Variants in CFAP46 observed in about 807,000 individuals in gnomAD.
CFAP46 encodes cilia and flagella associated protein 46.
A neutral mutation model predicts 325.7 loss-of-function variants in CFAP46; 245 were observed. The ratio of observed to expected loss-of-function variants is 0.75; its 90% confidence interval spans 0.68 to 0.84. The LOEUF (loss-of-function observed/expected upper bound fraction) is 0.84. CFAP46 is among the 40% of genes least tolerant of loss of function. The pLI is 0.00. For synonymous variants in CFAP46, 1,523 were observed against 1,495.9 expected (o/e 1.02, Z -0.42); for missense variants, 3,346 against 3,543.0 (o/e 0.94, Z 1.41).
At chr10:132,825,252 CTGTG>C (rs967571718) in intron 50 of CFAP46, among the ~76,000 whole-genome samples, 2 of 144,046 alleles carry the variant, frequency 1.4e-5, no homozygotes, top group Non-Finnish European at 3.0e-5. Flanking sequence ...CTGATGTGTG[CTGTG>C]TGAGTGCTGA....
At chr10:132,879,746 C>T in intron 28 of CFAP46, 115 bp from the exon 29 acceptor site, 2 of 1,076,072 alleles carry the variant, frequency 1.9e-6, no homozygotes, top group Non-Finnish European at 2.5e-6. Context: ...TCGCGGACAC[C>T]CGGTGCTCCA....
At chr10:132,887,029 C>T (rs1397381907) in intron 25 of CFAP46, among the ~76,000 whole-genome samples, 3 of 151,234 alleles carry the variant, frequency 2.0e-5, no homozygotes, top group African/African-American at 2.4e-5. Flanking sequence ...CTGCTCTCTT[C>T]TCTCTTCTTT....
At chr10:132,896,772 A>T (rs1192926356) in intron 24 of CFAP46, among the ~76,000 whole-genome samples, 1 of 152,216 alleles carries the variant, frequency 6.6e-6, no homozygotes, top group Non-Finnish European at 1.5e-5. Flanking sequence ...CTGATCCTCA[A>T]ATTCATATGG....
At chr10:132,852,106 T>G (rs1848562003) in intron 39 of CFAP46, among the ~76,000 whole-genome samples, 1 of 143,876 alleles carries the variant, frequency 7.0e-6, no homozygotes, top group Non-Finnish European at 1.5e-5. Context: ...AGACGTGGTA[T>G]GTTCCTCCAT....
chr10:132,904,289 C>G (rs79286333), intron 22 of CFAP46, among the ~76,000 whole-genome samples: 1 of 152,244 alleles, frequency 6.6e-6, no homozygotes, highest in Non-Finnish European at 1.5e-5. Flanking sequence ...CTGAGCAGCA[C>G]GCCTGCGGGT....
intron 27 of CFAP46, among the ~76,000 whole-genome samples, chr10:132,882,182 G>T (rs1332766860): frequency 3.2e-4 from 45 of 140,014 alleles, no homozygotes; most frequent in African/African-American, 1.1e-3. Flanking sequence ...GTGGGATGTG[G>T]GGTGTGAGTG....
intron 27 of CFAP46, among the ~76,000 whole-genome samples, chr10:132,881,635 G>A (rs1234773544): frequency 6.6e-6 from 1 of 151,530 alleles, no homozygotes; most frequent in Non-Finnish European, 1.5e-5. Context: ...GCAGCCCTGC[G>A]AGCCGGGGTT....
rs367806591 is a variant in CFAP46 at position 132,812,802 on chromosome 10, A to C, written c.7484T>G (p.Val2495Gly). ...CCTCTCACCTTGCAAGTTCATGGCG[A>C]CCAATCTCTCCACTAATATATGGGA... ...FLSHILVERL[V>G]AMNLQECQVA... The change falls in exon 55 of 58, where the codon GTC (valine) becomes GGC (glycine). Residue 2495 changes from valine to glycine, a missense_variant. Physicochemically the swap from Val to Gly is moderately radical, Grantham distance 109. Coordinates refer to ENST00000368586, the MANE Select transcript of CFAP46 (RefSeq NM_001200049.3). The C allele has an allele frequency of 4.6e-5, 74 of 1,612,084 alleles. No homozygotes were observed. In the East Asian group the frequency reaches 8.5e-4, roughly 18 times the overall value.
intron 50 of CFAP46, among the ~76,000 whole-genome samples, chr10:132,824,515 ATGTGTGC>A (rs2134918826): frequency 1.7e-5 from 1 of 60,452 alleles, no homozygotes; most frequent in East Asian, 5.3e-4. Flanking sequence ...ATGTGTGCTG[ATGTGTGC>A]TGTGTGCTGA....
intron 35 of CFAP46, among the ~76,000 whole-genome samples, chr10:132,863,550 CCTG>C (rs771161622): frequency 6.6e-6 from 1 of 151,774 alleles, no homozygotes; most frequent in Non-Finnish European, 1.5e-5. Flanking sequence ...CACACCTGTC[CCTG>C]CTATCAAAGA....
In CFAP46 at chr10:132,859,051, G is replaced by A; in HGVS notation, c.5375+20C>T. On this transcript the variant is annotated intron_variant, in intron 38 of 57. Transcript: ENST00000368586. ...AGAGAAGCAGTGACTCCCGTGCAGG[G>A]GTCGTGGAGGCAGCCTTACCTCTTG... 1 of 1,545,634 alleles carries A rather than the reference G, an allele frequency of 6.5e-7. No homozygotes were observed. The highest frequency in any genetic ancestry group is 8.7e-7 in the Non-Finnish European group (1 of 1,144,130).
intron 39 of CFAP46, among the ~76,000 whole-genome samples, chr10:132,854,048 T>C (rs1220340237): frequency 6.6e-6 from 1 of 152,206 alleles, no homozygotes; most frequent in Non-Finnish European, 1.5e-5. Flanking sequence ...TTCCTCTGCT[T>C]ATTTGGGAAC....
At chr10:132,836,540 A>G (rs573311539) in intron 45 of CFAP46, among the ~76,000 whole-genome samples, 23 of 152,338 alleles carry the variant, frequency 1.5e-4, no homozygotes, top group African/African-American at 5.5e-4. Flanking sequence ...CGGCTCCACC[A>G]TAACAGTGAC....
intron 45 of CFAP46, among the ~76,000 whole-genome samples, 179 bp downstream of exon 45, chr10:132,836,635 GCCC>G (rs3833717): frequency 6.6e-6 from 1 of 151,752 alleles, no homozygotes; most frequent in Admixed American, 6.6e-5. Context: ...TCTCTGGACG[GCCC>G]CCCCCCCTTG....
intron 38 of CFAP46, 34 bp downstream of exon 38, chr10:132,859,037 G>A (rs1239179452): frequency 1.3e-6 from 2 of 1,536,168 alleles, no homozygotes; most frequent in African/African-American, 2.7e-5. Context: ...GAGAAGCAGT[G>A]ACTCCCGTGC....
At position 132,808,800 on chromosome 10, in the gene CFAP46, T is replaced by A. The variant is rs1290281097; in HGVS notation, c.7769A>T (p.His2590Leu). The A allele has an allele frequency of 4.4e-6, 7 of 1,606,414 alleles. No homozygotes were observed. The highest frequency in any genetic ancestry group is 2.7e-5 in the African/African-American group (2 of 74,802). ...GCAGGTCCAGGCCTGCACTACCCGA[T>A]GGCTTGGTGCGGCAGCCCATACAGG... ...LGPVWAAAPS[H>L]RVVQAWTCLP... is the part of the protein sequence containing the mutation. Residue 2590 changes from histidine to leucine, a missense_variant, in exon 58 of 58, where the codon CAT (histidine) becomes CTT (leucine). Physicochemically the swap from His to Leu is moderately conservative, Grantham distance 99. Transcript: ENST00000368586. The surrounding 1 kb of genome is among the most constrained non-coding windows in gnomAD (Gnocchi z 6.8).
chr10:132,851,084 C>T (rs1394598518), intron 40 of CFAP46, 33 bp downstream of exon 40: 1 of 1,611,800 alleles, frequency 6.2e-7, no homozygotes, highest in East Asian at 2.2e-5. Context: ...CCTGGCGCTC[C>T]CTCCACCGGG....
chr10:132,860,709 T>TGGA (rs1190988393), intron 36 of CFAP46, 73 bp downstream of exon 36: 6 of 1,480,328 alleles, frequency 4.1e-6, no homozygotes, highest in Non-Finnish European at 5.5e-6. Flanking sequence ...CAGAGCCCCA[T>TGGA]GGACGCCCTT....
intron 23 of CFAP46, 40 bp from the exon 24 acceptor site, chr10:132,899,161 G>A: frequency 6.5e-7 from 1 of 1,529,138 alleles, no homozygotes; most frequent in Non-Finnish European, 8.8e-7. Flanking sequence ...CTCCACCTGG[G>A]CCCACCTGGA....
Sources: allele counts gnomAD v4.1 joint callset (sites outside exome capture counted in the v4.1 genomes callset), GRCh38; gene constraint gnomAD v4.1.1; non-coding constraint Gnocchi (gnomAD v3.1); transcripts MANE v1.5; gene names NCBI Gene and HGNC (gene_info 2026-07-23, HGNC 2026-07-21).